NR2F1-AS1: variants seen among roughly 807,000 people sequenced by gnomAD.
The protein encoded by NR2F1-AS1 is NR2F1 regulatory antisense RNA 1.
intron 4 of NR2F1-AS1, among the ~76,000 whole-genome samples, chr5:93,521,326 A>C (rs1043571800): frequency 6.6e-6 from 1 of 152,198 alleles, no homozygotes; most frequent in Non-Finnish European, 1.5e-5. Flanking sequence ...TTTTATGACA[A>C]AAACACCAAA....
chr5:93,527,023 AG>A (rs770599265), intron 4 of NR2F1-AS1, among the ~76,000 whole-genome samples: 3 of 152,180 alleles, frequency 2.0e-5, no homozygotes, highest in Non-Finnish European at 4.4e-5. Flanking sequence ...AAAGAAATAA[AG>A]GGTATTCAAA....
intron 4 of NR2F1-AS1, among the ~76,000 whole-genome samples, chr5:93,507,460 C>T (rs188694478): frequency 2.0e-5 from 3 of 152,194 alleles, no homozygotes; most frequent in Non-Finnish European, 4.4e-5. Flanking sequence ...CAGGTTCAAG[C>T]GACTCTCCCA....
At chr5:93,415,626 C>G (rs1423844416) in intron 4 of NR2F1-AS1, among the ~76,000 whole-genome samples, 4 of 152,286 alleles carry the variant, frequency 2.6e-5, no homozygotes, top group African/African-American at 9.6e-5. Context: ...AATGAACTGA[C>G]TTAACTTTTT....
intron 4 of NR2F1-AS1, among the ~76,000 whole-genome samples, chr5:93,460,214 C>G (rs1211435158): frequency 1.3e-5 from 2 of 152,096 alleles, no homozygotes; most frequent in African/African-American, 4.8e-5. Context: ...ACAGAGAAAT[C>G]TGTGTCCCAT....
intron 1 of NR2F1-AS1, among the ~76,000 whole-genome samples, chr5:93,568,566 T>C (rs994058064): frequency 3.9e-5 from 6 of 152,182 alleles, no homozygotes; most frequent in Admixed American, 2.6e-4. Context: ...AAAGAAAACT[T>C]GACACGAGTC....
intron 4 of NR2F1-AS1, among the ~76,000 whole-genome samples, chr5:93,508,002 G>A (rs1751221810): frequency 1.3e-5 from 2 of 152,134 alleles, no homozygotes; most frequent in African/African-American, 4.8e-5. Context: ...CATATACCAT[G>A]TTGGTAGATG....
intron 4 of NR2F1-AS1, among the ~76,000 whole-genome samples, chr5:93,473,995 A>T (rs1162176337): frequency 1.3e-5 from 2 of 152,124 alleles, no homozygotes; most frequent in Non-Finnish European, 2.9e-5. Flanking sequence ...AGATTAATAA[A>T]CAGAGCTAAA....
chr5:93,469,176 C>A (rs184263315), intron 4 of NR2F1-AS1, among the ~76,000 whole-genome samples: 57 of 152,134 alleles, frequency 3.7e-4, no homozygotes, highest in African/African-American at 1.3e-3. Flanking sequence ...TAGGTGGTTT[C>A]GTCATTGTGT....
chr5:93,582,950 G>C (rs1408636962), upstream of NR2F1-AS1, among the ~76,000 whole-genome samples: 6 of 143,182 alleles, frequency 4.2e-5, no homozygotes, highest in African/African-American at 7.3e-5. Flanking sequence ...TAGCTAAGCG[G>C]GGGGGGGAGA....
chr5:93,420,759 C>A (rs1446428377), intron 4 of NR2F1-AS1, among the ~76,000 whole-genome samples: 1 of 151,936 alleles, frequency 6.6e-6, no homozygotes, highest in Non-Finnish European at 1.5e-5. Flanking sequence ...ATCACAGGAC[C>A]AATTCTGTAA....
chr5:93,440,720 T>TAC (rs1452521792), intron 4 of NR2F1-AS1, among the ~76,000 whole-genome samples: 1 of 152,238 alleles, frequency 6.6e-6, no homozygotes, highest in Admixed American at 6.5e-5. Flanking sequence ...AGCACTTTAA[T>TAC]ACACACACTG....
At position 93,512,717 on chromosome 5, in the gene NR2F1-AS1, A is replaced by G. The variant is rs192444480; in HGVS notation, n.638+41044T>C. Among the ~76,000 whole-genome samples, 434 of 152,192 alleles carry G rather than the reference A, an allele frequency of 2.9e-3. 3 individuals are homozygous for G. The highest frequency in any genetic ancestry group is 0.01 in the African/African-American group (419 of 41,530). On this transcript the variant is annotated intron_variant and non_coding_transcript_variant, in intron 4 of 5. Coordinates refer to ENST00000660523, the Ensembl canonical transcript of NR2F1-AS1. Reference sequence around the variant, plus strand: ...GCTGTATTTTTATCGTAGTTTTTCTATGTTTTGATACACAAATAATTACCA... The same window carrying G: ...GCTGTATTTTTATCGTAGTTTTTCTGTGTTTTGATACACAAATAATTACCA...
At chr5:93,562,195 A>AAAAAGAAAAAAAAAG (rs1752507082) in intron 2 of NR2F1-AS1, among the ~76,000 whole-genome samples, 1 of 136,664 alleles carries the variant, frequency 7.3e-6, no homozygotes, top group African/African-American at 3.0e-5. Context: ...AAAAAAAAAA[A>AAAAAGAAAAAAAAAG]AAAAGAAAAG....
At chr5:93,473,331 T>C (rs899557769) in intron 4 of NR2F1-AS1, among the ~76,000 whole-genome samples, 1 of 151,978 alleles carries the variant, frequency 6.6e-6, no homozygotes, top group African/African-American at 2.4e-5. Context: ...TCTGTTGATC[T>C]TTAGCGATAG....
At chr5:93,570,845 C>T (rs1752743835) in intron 1 of NR2F1-AS1, 1 of 152,240 alleles carries the variant, frequency 6.6e-6, no homozygotes, top group Non-Finnish European at 1.5e-5. Context: ...GGATATGGGC[C>T]TAGCTTCCGG....
intron 2 of NR2F1-AS1, among the ~76,000 whole-genome samples, chr5:93,555,614 A>G (rs1008148208): frequency 6.6e-6 from 1 of 152,192 alleles, no homozygotes; most frequent in Non-Finnish European, 1.5e-5. Flanking sequence ...GATGGGAGGA[A>G]GAACAAGACT....
intron 4 of NR2F1-AS1, among the ~76,000 whole-genome samples, chr5:93,505,362 G>A (rs142365638): frequency 6.6e-6 from 1 of 152,126 alleles, no homozygotes; most frequent in Admixed American, 6.5e-5. Context: ...AGCTGTCAGT[G>A]GTCTACCATT....
chr5:93,574,258 C>A (rs1449278113), intron 1 of NR2F1-AS1, among the ~76,000 whole-genome samples: 1 of 152,226 alleles, frequency 6.6e-6, no homozygotes. Context: ...GGGGAGGAGG[C>A]ACCCGACTGG....
chr5:93,420,404 G>A (rs1236757054), intron 4 of NR2F1-AS1, among the ~76,000 whole-genome samples: 1 of 152,266 alleles, frequency 6.6e-6, no homozygotes, highest in East Asian at 1.9e-4. Flanking sequence ...GTGAGAAAGA[G>A]GGTCTGTCAA....
Sources: gnomAD v4.1 joint callset for allele counts (sites outside exome capture counted in the v4.1 genomes callset) on GRCh38, gnomAD v4.1.1 for gene constraint, MANE v1.5 for transcripts, NCBI Gene and HGNC (gene_info 2026-07-23, HGNC 2026-07-21) for gene names.